The following ART3 variants were observed in gnomAD, a reference collection of about 807,000 sequenced individuals.
ART3 encodes ecto-ADP-ribosyltransferase 3.
Under a neutral mutation model 48.5 loss-of-function variants are expected in ART3, and 49 were observed. The observed-to-expected ratio is 1.01, with a 90% CI of 0.80 to 1.28. The LOEUF (loss-of-function observed/expected upper bound fraction) is 1.28. ART3 is among the 50% of genes most tolerant of loss of function. ART3 has a pLI of 0.00. For synonymous variants in ART3, 145 were observed against 157.2 expected (o/e 0.92, Z 0.58); for missense variants, 438 against 454.3 (o/e 0.96, Z 0.33).
At chr4:76,040,448 A>ACACGCGCG (rs766890498) in intron 1 of ART3, among the ~76,000 whole-genome samples, 4 of 146,414 alleles carry the variant, frequency 2.7e-5, no homozygotes, top group Admixed American at 2.0e-4. Flanking sequence ...ACACACACAC[A>ACACGCGCG]CACACACACA....
intron 1 of ART3, among the ~76,000 whole-genome samples, chr4:76,058,919 A>G (rs994697934): frequency 7.2e-5 from 11 of 152,238 alleles, no homozygotes; most frequent in African/African-American, 2.7e-4. Context: ...GATTATGGAT[A>G]GAAAAAGGAA....
At chr4:76,099,889 A>C (rs1041916026) in intron 5 of ART3, among the ~76,000 whole-genome samples, 10 of 152,224 alleles carry the variant, frequency 6.6e-5, no homozygotes, top group Non-Finnish European at 1.0e-4. Context: ...GTTTGGGAAA[A>C]TACTTCCTGT....
rs1578608454 is a variant in ART3, at chr4:76,104,498, C to T, written c.971-99C>T. The T allele has an allele frequency of 9.1e-6, 14 of 1,540,898 alleles. No homozygotes were observed. The East Asian group carries it at 2.2e-4, about 24-fold the overall frequency. On this transcript the variant is annotated intron_variant, in intron 9 of 11. Transcript: ENST00000355810. ...AGCCAGAAACTATAGTGCATTGGGGCCTTGGGTGCTTGCATCTCTTAAGCT... is the reference window on the plus strand; with the variant it reads ...AGCCAGAAACTATAGTGCATTGGGGTCTTGGGTGCTTGCATCTCTTAAGCT...
In ART3 at chr4:76,051,994, C is replaced by T. The variant is rs541422218; in HGVS notation, c.-9-23887C>T. Among the ~76,000 whole-genome samples the T allele has an allele frequency of 4.6e-5, 7 of 151,290 alleles. No homozygotes were observed. The East Asian group carries it at 1.2e-3, about 25-fold the overall frequency. ...CGCAATCTCAGCTCACTGCAACCTC[C>T]GCCCCTGAGTTCAAGCCTTTCTCCA... On this transcript the variant is annotated intron_variant, in intron 1 of 9. Transcript: ENST00000341029.
At position 76,104,642 on chromosome 4, in the gene ART3, T is replaced by C. The variant is rs1675594656; in HGVS notation, c.1003+13T>C. 1.9e-6 allele frequency: 3 copies of C among 1,551,536 alleles called. No homozygotes were observed. The highest frequency in any genetic ancestry group is 8.7e-7 in the Non-Finnish European group (1 of 1,146,864). On this transcript the variant is annotated intron_variant, in intron 10 of 11. Coordinates refer to ENST00000355810, the MANE Select transcript of ART3 (RefSeq NM_001130016.3). ...TTTCCACTACCTGGTAAGCAACTGA[T>C]AGGCATGCCAGAGGGGAACATGCCA... is the stretch of plus-strand genomic sequence containing the variant.
intron 1 of ART3, among the ~76,000 whole-genome samples, chr4:76,047,728 A>G (rs959232899): frequency 5.3e-5 from 8 of 152,048 alleles, no homozygotes; most frequent in East Asian, 1.9e-4. Context: ...CTGTCATTCC[A>G]TCATTTACTT....
chr4:76,020,104 C>G (rs1732647646), intron 1 of ART3, among the ~76,000 whole-genome samples: 1 of 150,012 alleles, frequency 6.7e-6, no homozygotes, highest in African/African-American at 2.5e-5. Flanking sequence ...TTCTTACTCA[C>G]TTCTGTTTCC....
chr4:76,018,448 G>C (rs1578194513), intron 1 of ART3, among the ~76,000 whole-genome samples: 1 of 152,110 alleles, frequency 6.6e-6, no homozygotes, highest in East Asian at 1.9e-4. Flanking sequence ...AGTGGGGGTA[G>C]GGAGGAAGAT....
intron 1 of ART3, among the ~76,000 whole-genome samples, chr4:76,066,533 A>G (rs1160463419): frequency 6.6e-6 from 1 of 152,126 alleles, no homozygotes; most frequent in Non-Finnish European, 1.5e-5. Context: ...CTCTGAAGCT[A>G]TTAGCAGAGA....
intron 1 of ART3, among the ~76,000 whole-genome samples, chr4:76,017,909 T>A (rs1732410122): frequency 1.3e-5 from 2 of 152,244 alleles, no homozygotes; most frequent in Non-Finnish European, 2.9e-5. Context: ...TTTCTGTGCC[T>A]CATGGCCACT....
chr4:76,096,508 G>C (rs1278428040), intron 3 of ART3, among the ~76,000 whole-genome samples: 1 of 152,208 alleles, frequency 6.6e-6, no homozygotes, highest in Non-Finnish European at 1.5e-5. Context: ...TGAACTTCCA[G>C]ATTAGATTAG....
chr4:76,057,398 C>T (rs370634482), intron 1 of ART3, among the ~76,000 whole-genome samples: 16 of 152,072 alleles, frequency 1.1e-4, no homozygotes, highest in African/African-American at 3.9e-4. Context: ...ACGCTCATTT[C>T]CTGTTCTAGA....
chr4:76,071,326 C>T (rs184436166), upstream of ART3, among the ~76,000 whole-genome samples: 2 of 151,836 alleles, frequency 1.3e-5, no homozygotes, highest in African/African-American at 4.8e-5. Context: ...TGAGATCGTG[C>T]CACTGCACTC....
At chr4:76,045,388 A>G (rs1292249342) in intron 1 of ART3, among the ~76,000 whole-genome samples, 1 of 152,084 alleles carries the variant, frequency 6.6e-6, no homozygotes, top group African/African-American at 2.4e-5. Context: ...TCTGATAGCC[A>G]TAAACTTCCT....
chr4:76,058,662 C>T (rs1359602762), intron 1 of ART3: 1 of 152,184 alleles, frequency 6.6e-6, no homozygotes, highest in African/African-American at 2.4e-5. Flanking sequence ...TCTATTTATA[C>T]ACATACACAC....
chr4:76,053,557 A>T (rs900759593), intron 1 of ART3, among the ~76,000 whole-genome samples: 1 of 152,240 alleles, frequency 6.6e-6, no homozygotes, highest in African/African-American at 2.4e-5. Flanking sequence ...TAATTTTATT[A>T]GGGTATAATT....
chr4:76,028,087 C>T lies in ART3; in HGVS notation c.-10+16767C>T, dbSNP rs528404760. 1.6e-4 allele frequency among the ~76,000 whole-genome samples: 24 copies of T among 152,184 alleles called. No homozygotes were observed. In the East Asian group the frequency reaches 2.7e-3, roughly 17 times the overall value. On this transcript the variant is annotated intron_variant, in intron 1 of 9. Transcript: ENST00000341029. ...ACAGTACCTGGTGAGCAGAGTCAAA[C>T]GAAGGACCCTTCTCTTCTTGTTTTA... is the stretch of plus-strand genomic sequence containing the variant.
At chr4:76,087,391 G>A (rs893015293) in intron 3 of ART3, among the ~76,000 whole-genome samples, 1 of 152,136 alleles carries the variant, frequency 6.6e-6, no homozygotes, top group African/African-American at 2.4e-5. Flanking sequence ...GGAAAGTCAG[G>A]ATCAAAAACT....
At chr4:76,045,981 T>C (rs1735464143) in intron 1 of ART3, among the ~76,000 whole-genome samples, 1 of 152,070 alleles carries the variant, frequency 6.6e-6, no homozygotes. Context: ...GCCTTCGACC[T>C]AGACACCTTG....
Sources: allele counts gnomAD v4.1 joint callset (sites outside exome capture counted in the v4.1 genomes callset), GRCh38; gene constraint gnomAD v4.1.1; transcripts MANE v1.5; gene names NCBI Gene and HGNC (gene_info 2026-07-23, HGNC 2026-07-21).